ZNF704: variants seen among roughly 807,000 people sequenced by gnomAD.
The protein encoded by ZNF704 is zinc finger protein 704, also known as glucocorticoid induced gene 1.
Under a neutral mutation model 44.7 loss-of-function variants are expected in ZNF704, and 10 were observed. The observed-to-expected ratio is 0.22, with a 90% confidence interval of 0.14 to 0.38. The LOEUF (loss-of-function observed/expected upper bound fraction) is 0.38, where lower values mean the gene tolerates loss of function less well. Among genes scored for constraint, ZNF704 ranks in the 10% least tolerant of loss-of-function variants. The pLI, the probability that ZNF704 is intolerant of heterozygous loss-of-function variation, is 1.00. For missense variants in ZNF704, 390 were observed against 545.5 expected, an observed-to-expected ratio of 0.71 and a Z score of 2.84; for synonymous variants, 211 against 207.6, an observed-to-expected ratio of 1.02 and a Z score of -0.14.
chr8:80,689,869 A>C (rs926862591), intron 3 of ZNF704, among the ~76,000 whole-genome samples: 1 of 152,224 alleles, frequency 6.6e-6, no homozygotes, highest in African/African-American at 2.4e-5. Flanking sequence ...GATTTATAAT[A>C]TTCTTAGGGG....
chr8:80,857,324 C>T (rs1484432638), intron 1 of ZNF704, among the ~76,000 whole-genome samples: 1 of 152,120 alleles, frequency 6.6e-6, no homozygotes, highest in African/African-American at 2.4e-5. Context: ...GAGGAAATTA[C>T]CTTTTGCTAT....
intron 2 of ZNF704, among the ~76,000 whole-genome samples, chr8:80,705,373 TTG>T (rs112488774): frequency 1.7e-4 from 25 of 151,126 alleles, no homozygotes; most frequent in Admixed American, 1.6e-3. Flanking sequence ...TGTCGGGGCC[TTG>T]TGTGTGTGTG....
intron 2 of ZNF704, among the ~76,000 whole-genome samples, chr8:80,716,667 T>C (rs532782984): frequency 2.6e-5 from 4 of 152,350 alleles, no homozygotes; most frequent in East Asian, 1.9e-4. Context: ...CTTTAAACTG[T>C]TTTTGTTCAT....
intron 2 of ZNF704, among the ~76,000 whole-genome samples, chr8:80,703,072 CAT>C (rs1367208808): frequency 6.6e-6 from 1 of 152,236 alleles, no homozygotes; most frequent in East Asian, 1.9e-4. Context: ...ATTGCCCTCA[CAT>C]GAGACTTAAC....
intron 2 of ZNF704, among the ~76,000 whole-genome samples, chr8:80,756,692 GATT>G (rs1399610094): frequency 3.3e-5 from 5 of 152,202 alleles, no homozygotes; most frequent in Non-Finnish European, 7.3e-5. Flanking sequence ...CATAAAAAAT[GATT>G]ATTATTTGAA....
chr8:80,828,080 G>C (rs1189482722), intron 1 of ZNF704, among the ~76,000 whole-genome samples: 1 of 152,126 alleles, frequency 6.6e-6, no homozygotes, highest in Non-Finnish European at 1.5e-5. Context: ...ATTGACAAAT[G>C]GGATCTAACT....
chr8:80,695,906 A>G (rs1818717100), intron 2 of ZNF704, among the ~76,000 whole-genome samples: 1 of 152,254 alleles, frequency 6.6e-6, no homozygotes, highest in Non-Finnish European at 1.5e-5. Context: ...CAACAAAGTC[A>G]AAGGAATACA....
chr8:80,796,865 A>G (rs1250520730), intron 2 of ZNF704, among the ~76,000 whole-genome samples: 1 of 148,316 alleles, frequency 6.7e-6, no homozygotes, highest in African/African-American at 2.6e-5. Flanking sequence ...AAGAGAAATG[A>G]AAGAGAGAAA....
chr8:80,766,834 T>A (rs760693887), intron 2 of ZNF704, among the ~76,000 whole-genome samples: 1 of 152,100 alleles, frequency 6.6e-6, no homozygotes, highest in Non-Finnish European at 1.5e-5. Context: ...TGCCTCAGCC[T>A]CCGGAGTAGC....
intron 1 of ZNF704, among the ~76,000 whole-genome samples, chr8:80,856,623 G>T (rs1000022630): frequency 3.9e-5 from 6 of 152,082 alleles, no homozygotes; most frequent in Non-Finnish European, 7.4e-5. Flanking sequence ...TTCCAGGACT[G>T]TTAGTTGAAA....
chr8:80,747,416 CTT>C (rs974352833), intron 2 of ZNF704, among the ~76,000 whole-genome samples: 1 of 152,160 alleles, frequency 6.6e-6, no homozygotes, highest in Non-Finnish European at 1.5e-5. Context: ...TGCTGGAAGA[CTT>C]TTGATTTGCA....
chr8:80,871,115 C>T (rs1262617406), intron 1 of ZNF704, among the ~76,000 whole-genome samples: 1 of 152,196 alleles, frequency 6.6e-6, no homozygotes. Context: ...GCTGCCCTCT[C>T]CCTCCCTTGG....
At chr8:80,687,009 T>C (rs1818548886) in intron 4 of ZNF704, among the ~76,000 whole-genome samples, 1 of 152,224 alleles carries the variant, frequency 6.6e-6, no homozygotes, top group African/African-American at 2.4e-5. Context: ...GATACGTGTG[T>C]ATATACCTTC....
At chr8:80,862,516 T>C (rs1426605948) in intron 1 of ZNF704, among the ~76,000 whole-genome samples, 3 of 150,090 alleles carry the variant, frequency 2.0e-5, no homozygotes, top group African/African-American at 7.4e-5. Context: ...CTCCAGCACT[T>C]TGGGAGGCCA....
intron 7 of ZNF704, among the ~76,000 whole-genome samples, chr8:80,650,053 G>A (rs1817891832): frequency 1.3e-5 from 2 of 152,182 alleles, no homozygotes; most frequent in Non-Finnish European, 2.9e-5. Flanking sequence ...AGGCAAACAG[G>A]GTCTGGAGTG....
At chr8:80,877,301 A>G (rs900273580), upstream of ZNF704, among the ~76,000 whole-genome samples, 1 of 151,720 alleles carries the variant, frequency 6.6e-6, no homozygotes, top group African/African-American at 2.4e-5. Context: ...GATGAGAAGG[A>G]TCTGTTCAGG....
chr8:80,629,670 T>G lies in ZNF704; in HGVS notation c.*11696A>C. The G allele has an allele frequency of 7.0e-6, 1 of 143,580 alleles. No individual in the cohort carries two copies. Among genetic ancestry groups the G allele is most frequent in the East Asian group, 1.9e-4 (1 of 5,190 alleles). The allele number at this position is 143,580 out of a possible 1,614,324, so 8.9% of individuals were successfully genotyped here. ...CTATATAGACTTTCCAAAATATAAG[T>G]AATTTTGAAAAAAGATCAATGATTT... On this transcript the variant is annotated 3_prime_UTR_variant, in exon 9 of 9. Coordinates refer to ENST00000327835, the MANE Select transcript of ZNF704 (RefSeq NM_001033723.3).
intron 1 of ZNF704, among the ~76,000 whole-genome samples, chr8:80,869,231 C>T (rs1809207935): frequency 6.6e-6 from 1 of 152,118 alleles, no homozygotes; most frequent in South Asian, 2.1e-4. Context: ...TGCATGAGGC[C>T]ATGGAATAAA....
At chr8:80,803,172 C>T (rs1007079894) in intron 2 of ZNF704, among the ~76,000 whole-genome samples, 3 of 152,048 alleles carry the variant, frequency 2.0e-5, no homozygotes, top group Non-Finnish European at 4.4e-5. Flanking sequence ...CAAACTACTG[C>T]TCAAAGCATC....
Sources: gnomAD v4.1 joint callset for allele counts (sites outside exome capture counted in the v4.1 genomes callset) on GRCh38, gnomAD v4.1.1 for gene constraint, MANE v1.5 for transcripts, NCBI Gene and HGNC (gene_info 2026-07-23, HGNC 2026-07-21) for gene names.